Variants in CTNNA2 observed in about 807,000 individuals in gnomAD.
The protein encoded by CTNNA2 is catenin alpha-2.
Under a neutral mutation model 101.0 loss-of-function variants are expected in CTNNA2, and 42 were observed. The ratio of observed to expected loss-of-function variants is 0.42; its 90% CI spans 0.32 to 0.54. The LOEUF (loss-of-function observed/expected upper bound fraction) is 0.54. Among genes scored for constraint, CTNNA2 ranks in the 20% least tolerant of loss-of-function variants. The pLI is 0.14. For synonymous variants in CTNNA2, 450 were observed against 456.4 expected (o/e 0.99, Z 0.18); for missense variants, 871 against 1,223.1 (o/e 0.71, Z 4.29).
At chr2:79,782,397 C>T (rs1199222118) in intron 3 of CTNNA2, among the ~76,000 whole-genome samples, 2 of 152,006 alleles carry the variant, frequency 1.3e-5, no homozygotes, top group African/African-American at 4.8e-5. Context: ...CCACCATGCC[C>T]AGGTAATTTT....
intron 2 of CTNNA2, among the ~76,000 whole-genome samples, chr2:79,702,969 T>A (rs1368074094): frequency 6.6e-6 from 1 of 152,128 alleles, no homozygotes; most frequent in Non-Finnish European, 1.5e-5. Context: ...CCAGTGGGTA[T>A]TACTGGTCAA....
chr2:80,102,321 C>G (rs1025186965), intron 7 of CTNNA2, among the ~76,000 whole-genome samples: 4 of 152,128 alleles, frequency 2.6e-5, no homozygotes, highest in Admixed American at 6.5e-5. Flanking sequence ...TTGGCCTTGT[C>G]CCATATGCTG....
intron 2 of CTNNA2, among the ~76,000 whole-genome samples, chr2:79,209,276 A>G (rs1674139637): frequency 6.6e-6 from 1 of 152,240 alleles, no homozygotes; most frequent in Non-Finnish European, 1.5e-5. Flanking sequence ...CTTCTTGGTT[A>G]CAAGATTCTA....
chr2:80,645,015 TTCAGA>T (rs1308656539), intron 18 of CTNNA2, among the ~76,000 whole-genome samples: 1 of 152,136 alleles, frequency 6.6e-6, no homozygotes, highest in African/African-American at 2.4e-5. Context: ...ATCCCTTCTC[TTCAGA>T]TCAGCTCAAT....
intron 12 of CTNNA2, among the ~76,000 whole-genome samples, chr2:80,564,379 A>G (rs1331847490): frequency 1.3e-5 from 2 of 152,152 alleles, no homozygotes; most frequent in Non-Finnish European, 2.9e-5. Flanking sequence ...TGAAATGCTT[A>G]TTTTAAAATA....
intron 2 of CTNNA2, among the ~76,000 whole-genome samples, chr2:79,724,236 G>T (rs1199628786): frequency 6.6e-6 from 1 of 150,826 alleles, no homozygotes; most frequent in Non-Finnish European, 1.5e-5. Flanking sequence ...GGTCTAGTAT[G>T]CTTGTTCATA....
At chr2:79,289,830 A>G (rs1157798448) in intron 2 of CTNNA2, among the ~76,000 whole-genome samples, 1 of 152,226 alleles carries the variant, frequency 6.6e-6, no homozygotes, top group Admixed American at 6.5e-5. Flanking sequence ...GGGTGACAGT[A>G]TGACATTACA....
rs60665717 is a variant in CTNNA2, at chr2:80,588,790, C to T, written c.2008-514C>T. 4.7e-3 allele frequency among the ~76,000 whole-genome samples: 722 copies of T among 152,266 alleles called. 4 individuals are homozygous for T. The highest frequency in any genetic ancestry group is 0.016 in the African/African-American group (684 of 41,548). ...TGGGCAGGGGATTTTTGTTGGGCAT[C>T]TCTCTGTAGACACCTTCACTTACAC... On this transcript the variant is annotated intron_variant, in intron 14 of 18. Coordinates refer to ENST00000402739, the MANE Select transcript of CTNNA2 (RefSeq NM_001282597.3).
intron 2 of CTNNA2, among the ~76,000 whole-genome samples, chr2:79,672,708 C>CTTTTTT (rs768344475): frequency 2.2e-5 from 3 of 134,336 alleles, no homozygotes; most frequent in Non-Finnish European, 4.8e-5. Flanking sequence ...TTTCTTTTTT[C>CTTTTTT]TTTTTTTTTT....
intron 7 of CTNNA2, among the ~76,000 whole-genome samples, chr2:80,054,686 G>C (rs763025991): frequency 1.4e-4 from 22 of 152,112 alleles, no homozygotes; most frequent in Non-Finnish European, 2.6e-4. Flanking sequence ...TGCTGCCCTA[G>C]GAAGGGAGAA....
At chr2:80,206,666 C>G (rs1346809868) in intron 7 of CTNNA2, among the ~76,000 whole-genome samples, 1 of 152,134 alleles carries the variant, frequency 6.6e-6, no homozygotes, top group African/African-American at 2.4e-5. Flanking sequence ...CATTCTGATT[C>G]TGGTTGTCCC....
At chr2:80,183,504 T>C (rs185958832) in intron 7 of CTNNA2, among the ~76,000 whole-genome samples, 28 of 152,338 alleles carry the variant, frequency 1.8e-4, no homozygotes, top group Non-Finnish European at 3.2e-4. Flanking sequence ...CAGATTTCTA[T>C]GGATGACATT....
intron 18 of CTNNA2, among the ~76,000 whole-genome samples, chr2:80,637,143 A>C (rs1295362782): frequency 6.6e-6 from 1 of 152,158 alleles, no homozygotes; most frequent in Non-Finnish European, 1.5e-5. Context: ...AGAAACATAA[A>C]TTTTTTAAGA....
At chr2:79,620,033 A>T (rs1212427170) in intron 1 of CTNNA2, among the ~76,000 whole-genome samples, 2 of 152,194 alleles carry the variant, frequency 1.3e-5, no homozygotes, top group African/African-American at 4.8e-5. Flanking sequence ...AACAAAAAAA[A>T]TGAGTGCGAT....
intron 7 of CTNNA2, among the ~76,000 whole-genome samples, chr2:80,059,521 G>T (rs1697434644): frequency 6.6e-6 from 1 of 152,180 alleles, no homozygotes; most frequent in Admixed American, 6.5e-5. Context: ...GATTCTTCAA[G>T]CATGTCAAGG....
intron 3 of CTNNA2, among the ~76,000 whole-genome samples, chr2:79,362,059 C>T (rs1265726331): frequency 1.3e-5 from 2 of 152,138 alleles, no homozygotes; most frequent in East Asian, 3.9e-4. Context: ...TTTAAAATTG[C>T]CTGTAGAATG....
chr2:79,568,885 A>AAG lies in CTNNA2; in HGVS notation c.-6+55679_-6+55680insGA, dbSNP rs1308762481. Among the ~76,000 whole-genome samples the AAG allele has an allele frequency of 1.9e-3, 239 of 128,906 alleles. 3 individuals carry two copies. Among genetic ancestry groups the AAG allele is most frequent in the African/African-American group, 6.3e-3 (229 of 36,248 alleles). The allele number at this position is 128,906 out of a possible 152,430, so 84.6% of individuals were successfully genotyped here. A position where few individuals can be genotyped will look rare whatever the true frequency, so the allele number is the denominator to read the frequency against. Reference sequence around the variant, plus strand: ...AAAAAAAAAAAAAAAAAAAAAAAAAAAAGCCAGGCATGATGGTATGTGCTC... The same window carrying AAG: ...AAAAAAAAAAAAAAAAAAAAAAAAAAAGAAGCCAGGCATGATGGTATGTGCTC... On this transcript the variant is annotated intron_variant, in intron 1 of 18. Coordinates refer to ENST00000402739, the MANE Select transcript of CTNNA2 (RefSeq NM_001282597.3).
At chr2:80,242,634 C>T (rs6738640) in intron 7 of CTNNA2, among the ~76,000 whole-genome samples, 19,748 of 152,162 alleles carry the variant, frequency 0.13, 3,113 homozygotes, top group African/African-American at 0.38. Flanking sequence ...CAGCAGGAAA[C>T]GTTTACATCT....
At chr2:80,079,772 C>T (rs1312873433) in intron 7 of CTNNA2, among the ~76,000 whole-genome samples, 1 of 149,478 alleles carries the variant, frequency 6.7e-6, no homozygotes, top group African/African-American at 2.5e-5. Flanking sequence ...CGGGATTGCG[C>T]CACTGCACTC....
Sources: allele counts gnomAD v4.1 joint callset (sites outside exome capture counted in the v4.1 genomes callset), GRCh38; gene constraint gnomAD v4.1.1; transcripts MANE v1.5; gene names NCBI Gene and HGNC (gene_info 2026-07-23, HGNC 2026-07-21).